The following MAK16 variants were observed in gnomAD, a reference collection of about 807,000 sequenced individuals.
MAK16 encodes protein MAK16 homolog.
A neutral mutation model predicts 49.9 loss-of-function variants in MAK16; 12 were observed. The ratio of observed to expected loss-of-function variants is 0.24; its 90% CI spans 0.15 to 0.39. The LOEUF is 0.39. Among genes scored for constraint, MAK16 ranks in the 10% least tolerant of loss-of-function variants. MAK16 has a pLI of 1.00. For synonymous variants in MAK16, 115 were observed against 126.4 expected (o/e 0.91, Z 0.60); for missense variants, 292 against 363.7 (o/e 0.80, Z 1.60).
chr8:33,498,327 G>T, intron 9 of MAK16, 105 bp from the exon 10 acceptor site: 4 of 846,988 alleles, frequency 4.7e-6, no homozygotes, highest in East Asian at 2.8e-5. Context: ...CACAGACATA[G>T]ACAAATCAAT....
At chr8:33,495,684 AATTTTTTTTTTTTTTTTTTTT>A in intron 7 of MAK16, 68 bp downstream of exon 7, 13 of 331,648 alleles carry the variant, frequency 3.9e-5, no homozygotes, top group East Asian at 9.9e-5. Context: ...ACATATTGGG[AATTTTTTTTTTTTTTTTTTTT>A]TTTTTTTTTT....
At chr8:33,485,437 G>A in intron 1 of MAK16, 2 of 632,114 alleles carry the variant, frequency 3.2e-6, no homozygotes, top group Non-Finnish European at 5.7e-6. Context: ...ACAGGACTCC[G>A]TCACCTCAGC....
chr8:33,492,281 G>A (rs1808790941), intron 6 of MAK16, among the ~76,000 whole-genome samples: 1 of 152,124 alleles, frequency 6.6e-6, no homozygotes, highest in African/African-American at 2.4e-5. Flanking sequence ...CAGAGTGCTG[G>A]GATTACAGAC....
intron 1 of MAK16, among the ~76,000 whole-genome samples, chr8:33,486,841 C>A (rs531177920): frequency 6.6e-6 from 1 of 152,196 alleles, no homozygotes; most frequent in African/African-American, 2.4e-5. Context: ...TTTATGTTGC[C>A]TTTTAGATAT....
chr8:33,496,542 A>G, intron 7 of MAK16, 83 bp from the exon 8 acceptor site: 1 of 1,028,732 alleles, frequency 9.7e-7, no homozygotes, highest in Non-Finnish European at 1.4e-6. Flanking sequence ...CACTGAGGAA[A>G]AAGTAATATT....
At chr8:33,494,216 G>C (rs1042953446) in intron 6 of MAK16, among the ~76,000 whole-genome samples, 2 of 152,106 alleles carry the variant, frequency 1.3e-5, no homozygotes, top group East Asian at 1.9e-4. Flanking sequence ...TGGGATTACA[G>C]GCATACACCA....
At chr8:33,497,350 A>C (rs1227786007) in intron 9 of MAK16, 53 bp downstream of exon 9, 20 of 1,105,898 alleles carry the variant, frequency 1.8e-5, no homozygotes, top group Non-Finnish European at 2.3e-5. Context: ...AAAAAAAAAA[A>C]AAAACAAAAA....
rs1188388556 is a variant in MAK16, at chr8:33,490,037, A to G, written c.393-248A>G. Among the ~76,000 whole-genome samples the G allele has an allele frequency of 3.9e-5, 6 of 152,204 alleles. No homozygotes were observed. In the South Asian group the frequency reaches 1.0e-3, roughly 26 times the overall value. On this transcript the variant is annotated intron_variant, in intron 5 of 9. Transcript: ENST00000360128. ...TACATGTAAAAATATATGACTTTTT[A>G]TAGTATTAAATTTCTAGAAGCGTTT...
At chr8:33,492,287 C>T (rs1808790970) in intron 6 of MAK16, among the ~76,000 whole-genome samples, 1 of 152,242 alleles carries the variant, frequency 6.6e-6, no homozygotes, top group South Asian at 2.1e-4. Flanking sequence ...GCTGGGATTA[C>T]AGACGTGAGC....
Position 33,488,421 on chromosome 8 carries a change from A to G in MAK16, c.59A>G (p.Lys20Arg). 6.2e-7 allele frequency: 1 copy of G among 1,614,132 alleles called. No individual in the cohort carries two copies. Among genetic ancestry groups the G allele is most frequent in the Non-Finnish European group, 8.5e-7 (1 of 1,180,020 alleles). ...TLGNKQFCSF[K>R]IRTKTQSFCR... ...GGAAACAAGCAATTTTGTTCCTTCAAAATAAGGTGAGTCTCAATTTACAAC... is the reference window on the plus strand; with the variant it reads ...GGAAACAAGCAATTTTGTTCCTTCAGAATAAGGTGAGTCTCAATTTACAAC... Residue 20 changes from lysine (K) to arginine (R), a missense_variant, in exon 2 of 10, where the codon AAA becomes AGA. Transcript: ENST00000360128.
In MAK16 at chr8:33,496,703, G is replaced by T. The variant is rs746570854; in HGVS notation, c.601G>T (p.Asp201Tyr). The T allele has an allele frequency of 1.2e-6, 2 of 1,612,858 alleles. No homozygotes were observed. Among genetic ancestry groups the T allele is most frequent in the South Asian group, 2.2e-5 (2 of 90,920 alleles). Residue 201 changes from aspartate (D) to tyrosine (Y), a missense_variant, in exon 8 of 10, where the codon GAT becomes TAT. Coordinates refer to ENST00000360128, the MANE Select transcript of MAK16 (RefSeq NM_032509.4). ...EQQEAESDSSDTEEKDDDDDD... is the reference protein window; with the variant it reads ...EQQEAESDSSYTEEKDDDDDD... Reference sequence around the variant, plus strand: ...ACAGGAGGCAGAGAGTGACTCTTCAGATACTGAGGAAAAAGATGATGATGA... The same window carrying T: ...ACAGGAGGCAGAGAGTGACTCTTCATATACTGAGGAAAAAGATGATGATGA...
chr8:33,499,209 C>T lies in MAK16; in HGVS notation c.*580C>T, dbSNP rs759188877. On this transcript the variant is annotated 3_prime_UTR_variant, in exon 10 of 10. Transcript: ENST00000360128. ...TGTAGGGTGCGCCTTCAGAAACCTG[C>T]TGCACTTTTCTGATATAGTTCACCA... The T allele has an allele frequency of 1.9e-6, 3 of 1,614,064 alleles. No homozygotes were observed. The highest frequency in any genetic ancestry group is 1.7e-5 in the Admixed American group (1 of 60,020).
rs1809013723 is a variant in MAK16 at position 33,500,169 on chromosome 8, T to C, written c.*1540T>C. 2 of 729,130 alleles carry C rather than the reference T, an allele frequency of 2.7e-6. No homozygotes were observed. The highest frequency in any genetic ancestry group is 5.5e-5 in the East Asian group (2 of 36,280). The allele number at this position is 729,130 out of a possible 1,614,324, so 45.2% of individuals were successfully genotyped here. On this transcript the variant is annotated 3_prime_UTR_variant, in exon 10 of 10. Transcript: ENST00000360128. Reference sequence around the variant, plus strand: ...TTTAAAAGATGAATAAGAAAAAAGATCAAGCTCTTTTGAGGCTAGAGGGCT... The same window carrying C: ...TTTAAAAGATGAATAAGAAAAAAGACCAAGCTCTTTTGAGGCTAGAGGGCT...
At position 33,498,779 on chromosome 8, in the gene MAK16, G is replaced by T; in HGVS notation, c.*150G>T. Reference sequence around the variant, plus strand: ...TTTTTATTATTTATGCCACGTCAGTGGGGCAAGAAATCTGGAGTGAGTGAA... The same window carrying T: ...TTTTTATTATTTATGCCACGTCAGTTGGGCAAGAAATCTGGAGTGAGTGAA... On this transcript the variant is annotated 3_prime_UTR_variant, in exon 10 of 10. Coordinates refer to ENST00000360128, the MANE Select transcript of MAK16 (RefSeq NM_032509.4). The T allele has an allele frequency of 1.4e-6, 1 of 708,348 alleles. No individual in the cohort carries two copies. The highest frequency in any genetic ancestry group is 3.0e-5 in the Admixed American group (1 of 33,574). The allele number at this position is 708,348 out of a possible 1,614,324, so 43.9% of individuals were successfully genotyped here.
At chr8:33,494,918 A>G (rs1233076657) in intron 6 of MAK16, among the ~76,000 whole-genome samples, 7 of 152,122 alleles carry the variant, frequency 4.6e-5, no homozygotes, top group Admixed American at 4.6e-4. Context: ...AGCTGGGACT[A>G]TAGGCGCCCG....
chr8:33,498,702 T>C lies in MAK16; in HGVS notation c.*73T>C, dbSNP rs1363619103. 1.0e-5 allele frequency: 13 copies of C among 1,259,768 alleles called. No homozygotes were observed. The East Asian group carries it at 2.9e-4, about 28-fold the overall frequency. 78.0% of individuals were successfully genotyped at this position (1,259,768 alleles called of 1,614,324 possible). ...TTTTTTTTTTTTTATCTTAAACACA[T>C]ACACACCTCCAGTTTTTGCTCTTTT... On this transcript the variant is annotated 3_prime_UTR_variant, in exon 10 of 10. Transcript: ENST00000360128.
At chr8:33,488,262 G>A (rs940823979) in intron 1 of MAK16, 116 bp from the exon 2 acceptor site, 39 of 1,128,860 alleles carry the variant, frequency 3.5e-5, no homozygotes, top group African/African-American at 4.7e-5. Flanking sequence ...AACAAGTCAG[G>A]CTATTTTACA....
Position 33,489,327 on chromosome 8 carries a change from A to C in MAK16, c.392+188A>C. On this transcript the variant is annotated intron_variant, in intron 5 of 9. Transcript: ENST00000360128. This position sits in a 1 kb window ranked among gnomAD's most constrained non-coding sequence, Gnocchi z 4.2. ...TATGGCAGGACTTTTAAAACAGTAG[A>C]ATACAACTTGATTATCACCCTCCTT... is the stretch of plus-strand genomic sequence containing the variant. 1 of 546,690 alleles carries C rather than the reference A, an allele frequency of 1.8e-6. No homozygotes were observed. Among genetic ancestry groups the C allele is most frequent in the South Asian group, 2.7e-5 (1 of 37,610 alleles). 33.9% of individuals were successfully genotyped at this position (546,690 alleles called of 1,614,324 possible).
intron 6 of MAK16, among the ~76,000 whole-genome samples, chr8:33,492,585 TA>T (rs1175032197): frequency 6.6e-6 from 1 of 152,230 alleles, no homozygotes; most frequent in East Asian, 1.9e-4. Context: ...TAGCACAAGA[TA>T]GGGGTCTAGT....
Sources: allele counts gnomAD v4.1 joint callset (sites outside exome capture counted in the v4.1 genomes callset), GRCh38; gene constraint gnomAD v4.1.1; non-coding constraint Gnocchi (gnomAD v3.1); transcripts MANE v1.5; gene names NCBI Gene and HGNC (gene_info 2026-07-23, HGNC 2026-07-21).